PBX4: variants seen among roughly 807,000 people sequenced by gnomAD.
PBX4 encodes the protein pre-B-cell leukemia transcription factor 4.
PBX4 carries 26 observed loss-of-function variants against 35.1 expected under a neutral mutation model. The observed-to-expected ratio is 0.74, with a 90% CI of 0.54 to 1.03. The LOEUF (loss-of-function observed/expected upper bound fraction) is 1.03, where lower values mean the gene tolerates loss of function less well. Ranked by LOEUF, PBX4 falls within the 50% of genes least tolerant of loss-of-function variation. PBX4 has a pLI of 0.00. For synonymous variants in PBX4, 199 were observed against 204.2 expected, an observed-to-expected ratio of 0.97 and a Z score of 0.22; for missense variants, 448 against 504.3, an observed-to-expected ratio of 0.89 and a Z score of 1.07.
chr19:19,574,575 G>A (rs915742479), intron 2 of PBX4, among the ~76,000 whole-genome samples: 1 of 152,032 alleles, frequency 6.6e-6, no homozygotes, highest in Non-Finnish European at 1.5e-5. Flanking sequence ...TGAAGGAAAA[G>A]TGTCCCTTTT....
At position 19,562,682 on chromosome 19, in the gene PBX4, G is replaced by A. The variant is rs998654378; in HGVS notation, c.1033-565C>T. 3.3e-5 allele frequency among the ~76,000 whole-genome samples: 5 copies of A among 152,198 alleles called. No homozygotes were observed. The highest frequency in any genetic ancestry group is 9.6e-5 in the African/African-American group (4 of 41,458). ...TGGGCACGGTACAGGTTAAGGAAGT[G>A]GCTGGGACTGCTCTGCCCGTGAGTG... On this transcript the variant is annotated intron_variant, in intron 7 of 7. Transcript: ENST00000251203. This position sits in a 1 kb window ranked among gnomAD's most constrained non-coding sequence, Gnocchi z 4.8.
intron 1 of PBX4, among the ~76,000 whole-genome samples, chr19:19,614,624 C>T: frequency 6.6e-6 from 1 of 151,752 alleles, no homozygotes; most frequent in Non-Finnish European, 1.5e-5. Flanking sequence ...CGCGCCACTG[C>T]ACTCCAGCCT....
intron 1 of PBX4, 97 bp downstream of exon 1, chr19:19,618,414 C>T (rs2061699235): frequency 1.7e-6 from 2 of 1,145,734 alleles, no homozygotes; most frequent in South Asian, 2.3e-5. Flanking sequence ...CCTCCTCAAG[C>T]GCCCCTCGTC....
At chr19:19,592,907 C>T (rs945134391) in intron 2 of PBX4, among the ~76,000 whole-genome samples, 2 of 152,046 alleles carry the variant, frequency 1.3e-5, no homozygotes, top group East Asian at 1.9e-4. Flanking sequence ...CGGGGTGGGG[C>T]GGCATGCAGC....
intron 1 of PBX4, among the ~76,000 whole-genome samples, chr19:19,600,345 G>A (rs925234001): frequency 6.6e-6 from 1 of 151,756 alleles, no homozygotes; most frequent in East Asian, 1.9e-4. Flanking sequence ...TGGGCAACAT[G>A]GTGAGACCCA....
chr19:19,570,101 G>T lies in PBX4; in HGVS notation c.632+8C>A. 2 of 1,593,144 alleles carry T rather than the reference G, an allele frequency of 1.3e-6. No individual in the cohort carries two copies. The highest frequency in any genetic ancestry group is 1.7e-6 in the Non-Finnish European group (2 of 1,168,438). Reference sequence around the variant, plus strand: ...CCCTTGAGGTTTTGGGTACGTACAGGCCCTGACCTGGCATCGAGCAGCCGC... The same window carrying T: ...CCCTTGAGGTTTTGGGTACGTACAGTCCCTGACCTGGCATCGAGCAGCCGC... On this transcript the variant is annotated splice_region_variant and intron_variant, in intron 4 of 7. Transcript: ENST00000251203.
intron 5 of PBX4, among the ~76,000 whole-genome samples, chr19:19,566,660 G>T (rs897267111): frequency 6.7e-6 from 1 of 150,064 alleles, no homozygotes; most frequent in African/African-American, 2.5e-5. Flanking sequence ...CAGTAGCTGG[G>T]ACTACAGGCA....
chr19:19,600,038 TGGG>T (rs2061587437), intron 1 of PBX4, among the ~76,000 whole-genome samples: 1 of 145,078 alleles, frequency 6.9e-6, no homozygotes, highest in Non-Finnish European at 1.5e-5. Flanking sequence ...GCTACTCAGG[TGGG>T]TGAGGCAGGA....
At chr19:19,607,196 G>A (rs1055414710) in intron 1 of PBX4, among the ~76,000 whole-genome samples, 1 of 152,020 alleles carries the variant, frequency 6.6e-6, no homozygotes, top group African/African-American at 2.4e-5. Context: ...TGGGATTACA[G>A]GTATACGCCA....
chr19:19,561,836 G>T lies in PBX4; in HGVS notation c.*189C>A. ...GAACTGAAGTGGGAGAATGAGTGGC[G>T]TTTCAGGCCATCTCGAGTCGCAGCA... On this transcript the variant is annotated 3_prime_UTR_variant, in exon 8 of 8. Transcript: ENST00000251203. 1 of 487,510 alleles carries T rather than the reference G, an allele frequency of 2.1e-6. No homozygotes were observed. Among genetic ancestry groups the T allele is most frequent in the Non-Finnish European group, 3.6e-6 (1 of 274,874 alleles). The allele number at this position is 487,510 out of a possible 1,614,324, so 30.2% of individuals were successfully genotyped here. A position where few individuals can be genotyped will look rare whatever the true frequency, so the allele number is the denominator to read the frequency against.
At chr19:19,582,196 G>A (rs1243098808) in intron 2 of PBX4, among the ~76,000 whole-genome samples, 7 of 152,154 alleles carry the variant, frequency 4.6e-5, no homozygotes, top group South Asian at 4.1e-4. Context: ...CCAGTGATAC[G>A]GGAGTGGGGC....
Position 19,599,334 on chromosome 19 carries a change from G to C in PBX4, c.151C>G (p.Pro51Ala), listed in dbSNP as rs779830144. 4.3e-5 allele frequency: 70 copies of C among 1,613,348 alleles called. No homozygotes were observed. The highest frequency in any genetic ancestry group is 5.6e-5 in the Non-Finnish European group (66 of 1,179,634). Residue 51 changes from proline (P) to alanine (A), a missense_variant, in exon 2 of 8, where the codon CCT (proline) becomes GCT (alanine). Pro to Ala is a conservative substitution (Grantham distance 27, BLOSUM62 -1). Transcript: ENST00000251203. ...KHALNCHRMK[P>A]ALFSVLCEIK... ...TCACAGAGCACGCTGAACAGAGCAG[G>C]CTTCATCCGATGGCAATTCAGAGCA... is the stretch of plus-strand genomic sequence containing the variant.
At chr19:19,565,139 A>G in intron 5 of PBX4, 50 bp from the exon 6 acceptor site, 1 of 1,611,822 alleles carries the variant, frequency 6.2e-7, no homozygotes, top group Non-Finnish European at 8.5e-7. Context: ...GACTTCTGAG[A>G]CACGACGCAG....
At position 19,580,275 on chromosome 19, in the gene PBX4, T is replaced by C. The variant is rs962544126; in HGVS notation, c.194-9442A>G. Among the ~76,000 whole-genome samples, 10 of 152,186 alleles carry C rather than the reference T, an allele frequency of 6.6e-5. No homozygotes were observed. The South Asian group carries it at 2.1e-3, about 31-fold the overall frequency. ...GGACTTCCTGCTTTCTAGAAACCTTTTGAGGCTTTTTCAGTCACTTACTGA... is the reference window on the plus strand; with the variant it reads ...GGACTTCCTGCTTTCTAGAAACCTTCTGAGGCTTTTTCAGTCACTTACTGA... On this transcript the variant is annotated intron_variant, in intron 2 of 7. Transcript: ENST00000251203.
chr19:19,591,562 C>T (rs1277889844), intron 2 of PBX4, among the ~76,000 whole-genome samples: 1 of 152,232 alleles, frequency 6.6e-6, no homozygotes, highest in Non-Finnish European at 1.5e-5. Context: ...CCCAGAGACA[C>T]AGTCACAGGG....
In PBX4 at chr19:19,599,373, G is replaced by A. The variant is rs1366360016; in HGVS notation, c.120-8C>T. 1 of 1,610,786 alleles carries A rather than the reference G, an allele frequency of 6.2e-7. No homozygotes were observed. Among genetic ancestry groups the A allele is most frequent in the Non-Finnish European group, 8.5e-7 (1 of 1,177,154 alleles). ...CAATTCAGAGCATGCTTTCTGAAAG[G>A]GAGGTGACAGAGGAGGGTGTGAGAA... is the stretch of plus-strand genomic sequence containing the variant. On this transcript the variant is annotated splice_polypyrimidine_tract_variant and splice_region_variant and intron_variant, in intron 1 of 7. Coordinates refer to ENST00000251203, the MANE Select transcript of PBX4 (RefSeq NM_025245.3).
chr19:19,616,886 G>A (rs1393318573), intron 1 of PBX4, among the ~76,000 whole-genome samples: 1 of 152,036 alleles, frequency 6.6e-6, no homozygotes, highest in African/African-American at 2.4e-5. Flanking sequence ...GTTTCACCAT[G>A]TTGGCCAGGC....
At position 19,563,861 on chromosome 19, in the gene PBX4, G is replaced by A. The variant is rs1371401477; in HGVS notation, c.926-246C>T. 7.9e-6 allele frequency: 3 copies of A among 379,256 alleles called. No homozygotes were observed. Among genetic ancestry groups the A allele is most frequent in the South Asian group, 4.9e-5 (2 of 40,710 alleles). The allele number at this position is 379,256 out of a possible 1,614,324, so 23.5% of individuals were successfully genotyped here. A position where few individuals can be genotyped will look rare whatever the true frequency, so the allele number is the denominator to read the frequency against. ...CTCGCTCTGTCACCCAGGCTTGAGT[G>A]CAGTGGCACGATCTTGGCTCACTGC... On this transcript the variant is annotated intron_variant, in intron 6 of 7. Coordinates refer to ENST00000251203, the MANE Select transcript of PBX4 (RefSeq NM_025245.3). This position sits in a 1 kb window ranked among gnomAD's most constrained non-coding sequence, Gnocchi z 5.1.
At chr19:19,618,485 GC>G in intron 1 of PBX4, 25 bp downstream of exon 1, 2 of 1,431,972 alleles carry the variant, frequency 1.4e-6, no homozygotes, top group Non-Finnish European at 9.2e-7. Flanking sequence ...ACCCTGCGTG[GC>G]CCCTGCCGAG....
Sources: allele counts gnomAD v4.1 joint callset (sites outside exome capture counted in the v4.1 genomes callset), GRCh38; gene constraint gnomAD v4.1.1; non-coding constraint Gnocchi (gnomAD v3.1); transcripts MANE v1.5; gene names NCBI Gene and HGNC (gene_info 2026-07-23, HGNC 2026-07-21).